Variants in JAKMIP2 observed in about 807,000 individuals in gnomAD.
JAKMIP2 encodes janus kinase and microtubule-interacting protein 2.
In JAKMIP2, 25 loss-of-function variants were observed where a neutral mutation model predicts 115.0. The ratio of observed to expected loss-of-function variants is 0.22; its 90% confidence interval spans 0.16 to 0.30. The LOEUF (loss-of-function observed/expected upper bound fraction) is 0.30. JAKMIP2 is among the 10% of genes least tolerant of loss of function. JAKMIP2 has a pLI of 1.00. For missense variants in JAKMIP2, 642 were observed against 957.6 expected (o/e 0.67, Z 4.35); for synonymous variants, 334 against 343.6 (o/e 0.97, Z 0.31).
rs1484869247 is a variant in JAKMIP2 at position 147,590,399 on chromosome 5, A to G, written c.*1308T>C. The G allele has an allele frequency of 6.6e-6, 1 of 152,214 alleles. No homozygotes were observed. Among genetic ancestry groups the G allele is most frequent in the African/African-American group, 2.4e-5 (1 of 41,470 alleles). The allele number at this position is 152,214 out of a possible 1,614,324, so 9.4% of individuals were successfully genotyped here. ...GACTCAGTAATACACAACTTAGGAAAAGTACCAGTCCTCTAATTGTCTCTG... is the reference window on the plus strand; with the variant it reads ...GACTCAGTAATACACAACTTAGGAAGAGTACCAGTCCTCTAATTGTCTCTG... On this transcript the variant is annotated 3_prime_UTR_variant, in exon 22 of 22. Transcript: ENST00000616793.
At chr5:147,693,538 G>T (rs924327187) in intron 1 of JAKMIP2, among the ~76,000 whole-genome samples, 8 of 151,934 alleles carry the variant, frequency 5.3e-5, no homozygotes, top group African/African-American at 1.9e-4. Flanking sequence ...AGTGATGTGT[G>T]GGATTACGGG....
intron 1 of JAKMIP2, among the ~76,000 whole-genome samples, chr5:147,702,713 G>C (rs1353918414): frequency 6.6e-6 from 1 of 151,446 alleles, no homozygotes; most frequent in Non-Finnish European, 1.5e-5. Flanking sequence ...GAAAAAAAAA[G>C]AGCAGAAGCC....
intron 1 of JAKMIP2, among the ~76,000 whole-genome samples, chr5:147,673,900 C>G (rs2126812025): frequency 6.6e-6 from 1 of 151,994 alleles, no homozygotes; most frequent in South Asian, 2.1e-4. Flanking sequence ...TGGGCTTTTC[C>G]AGAGGACCTC....
At position 147,766,157 on chromosome 5, in the gene JAKMIP2, C is replaced by T. The variant is rs1328273025; in HGVS notation, c.-149+16299G>A. ...CTCCTTCTCCCTCTCGGCCTCACTTCCCTCAAAGAGACACTGTAGGCCAAT... is the reference window on the plus strand; with the variant it reads ...CTCCTTCTCCCTCTCGGCCTCACTTTCCTCAAAGAGACACTGTAGGCCAAT... On this transcript the variant is annotated intron_variant, in intron 1 of 21. Transcript: ENST00000616793. Among the ~76,000 whole-genome samples, 66 of 152,248 alleles carry T rather than the reference C, an allele frequency of 4.3e-4. 1 individual carries two copies. Among genetic ancestry groups the T allele is most frequent in the Non-Finnish European group, 5.9e-5 (4 of 68,006 alleles).
At chr5:147,732,587 A>C (rs1469543909) in intron 1 of JAKMIP2, among the ~76,000 whole-genome samples, 1 of 152,262 alleles carries the variant, frequency 6.6e-6, no homozygotes, top group Non-Finnish European at 1.5e-5. Context: ...GTATTCAGAT[A>C]GTAATAATGA....
intron 1 of JAKMIP2, among the ~76,000 whole-genome samples, chr5:147,716,831 C>A (rs1753022494): frequency 6.9e-6 from 1 of 145,718 alleles, no homozygotes; most frequent in Admixed American, 6.9e-5. Context: ...TTTTGCTGTG[C>A]AGAAGCTCTT....
chr5:147,701,111 T>C (rs535559942), intron 1 of JAKMIP2, among the ~76,000 whole-genome samples: 2 of 152,048 alleles, frequency 1.3e-5, no homozygotes, highest in Admixed American at 6.5e-5. Context: ...ACCAATGCCA[T>C]AAAGGAAAAA....
At chr5:147,762,373 A>T (rs1207226568) in intron 1 of JAKMIP2, among the ~76,000 whole-genome samples, 2 of 152,262 alleles carry the variant, frequency 1.3e-5, no homozygotes, top group African/African-American at 4.8e-5. Context: ...GCTGTGTATT[A>T]GTTTGCCAGG....
chr5:147,641,527 C>A (rs1009110725), intron 8 of JAKMIP2, among the ~76,000 whole-genome samples, 181 bp downstream of exon 8: 8 of 152,134 alleles, frequency 5.3e-5, no homozygotes, highest in African/African-American at 9.7e-5. Context: ...ACAACATAAT[C>A]ATTTTTAGAC....
intron 16 of JAKMIP2, among the ~76,000 whole-genome samples, chr5:147,626,455 C>A (rs1289503821): frequency 1.3e-5 from 2 of 152,172 alleles, no homozygotes; most frequent in Non-Finnish European, 2.9e-5. Context: ...TGGTGCAAGA[C>A]GTAAGATCAT....
At chr5:147,778,750 T>C (rs1755655006) in intron 1 of JAKMIP2, among the ~76,000 whole-genome samples, 1 of 152,082 alleles carries the variant, frequency 6.6e-6, no homozygotes, top group African/African-American at 2.4e-5. Context: ...GGTGAAGTGA[T>C]GGTACTAATT....
At chr5:147,616,877 GT>G (rs1756610474) in intron 19 of JAKMIP2, among the ~76,000 whole-genome samples, 1 of 152,074 alleles carries the variant, frequency 6.6e-6, no homozygotes, top group Non-Finnish European at 1.5e-5. Flanking sequence ...TAAGTGTCAT[GT>G]CCCCCATGAA....
intron 1 of JAKMIP2, among the ~76,000 whole-genome samples, chr5:147,703,026 C>T (rs73797159): frequency 0.011 from 1,651 of 152,058 alleles, 28 homozygotes; most frequent in African/African-American, 0.035. Flanking sequence ...TTTGACTTGC[C>T]CCAAGTCCCA....
rs1758341748 is a variant in JAKMIP2 at position 147,650,442 on chromosome 5, C to T, written c.733G>A (p.Asp245Asn). Residue 245 changes from aspartate (D) to asparagine (N), a missense_variant, in exon 4 of 22, where the codon GAC (aspartate) becomes AAC (asparagine). Physicochemically the swap from Asp to Asn is conservative, Grantham distance 23. Transcript: ENST00000616793. Reference protein sequence around the residue: ...QKLQLQKEALDEQLFLVKEAE... With the variant: ...QKLQLQKEALNEQLFLVKEAE... ...TCCTTGACCAGAAAGAGTTGTTCGT[C>T]CAAAGCCTCCTTCTGAAGTTGGAGT... 1 of 1,613,796 alleles carries T rather than the reference C, an allele frequency of 6.2e-7. No homozygotes were observed. The highest frequency in any genetic ancestry group is 8.5e-7 in the Non-Finnish European group (1 of 1,179,878).
At chr5:147,617,483 T>C (rs1756644633) in intron 19 of JAKMIP2, among the ~76,000 whole-genome samples, 1 of 152,144 alleles carries the variant, frequency 6.6e-6, no homozygotes, top group Non-Finnish European at 1.5e-5. Context: ...TTGTTGGTGG[T>C]GATGTTTGTA....
At chr5:147,722,866 T>C (rs72835158) in intron 1 of JAKMIP2, among the ~76,000 whole-genome samples, 18,355 of 119,678 alleles carry the variant, frequency 0.15, 1,189 homozygotes, top group South Asian at 0.21. Flanking sequence ...TTCCATCCTC[T>C]TTTTTTTTAT....
chr5:147,684,224 G>A (rs1243314162), intron 1 of JAKMIP2, among the ~76,000 whole-genome samples: 2 of 141,666 alleles, frequency 1.4e-5, no homozygotes, highest in Non-Finnish European at 3.0e-5. Flanking sequence ...TTATGTGCAA[G>A]GCATTGTGGT....
In JAKMIP2 at chr5:147,628,764, G is replaced by A. The variant is rs1374253751; in HGVS notation, c.1982C>T (p.Ser661Phe). 6.2e-7 allele frequency: 1 copy of A among 1,612,926 alleles called. No homozygotes were observed. Among genetic ancestry groups the A allele is most frequent in the Non-Finnish European group, 8.5e-7 (1 of 1,179,250 alleles). ...ACGGCTCATTACCTTCTCTGCCAGG[G>A]ACAGCACAGTGCTGGCCTGAATTAT... ...VAIIQASTVLSLAEKWIQQIE... is the reference protein window; with the variant it reads ...VAIIQASTVLFLAEKWIQQIE... Residue 661 changes from serine (S) to phenylalanine (F), a missense_variant, in exon 16 of 22, where the codon TCC (serine) becomes TTC (phenylalanine). Ser to Phe is a radical substitution (Grantham distance 155). This residue lies in a region of JAKMIP2 where 5 missense variants were observed against 33.0 expected (regional missense o/e 0.15). Transcript: ENST00000616793.
At chr5:147,650,299 T>C (rs1431515132) in intron 4 of JAKMIP2, 39 bp downstream of exon 4, 1 of 1,280,940 alleles carries the variant, frequency 7.8e-7, no homozygotes, top group Admixed American at 1.7e-5. Context: ...AAATAAAAGA[T>C]GACTTGTGCA....
Sources: gnomAD v4.1 joint callset for allele counts (sites outside exome capture counted in the v4.1 genomes callset) on GRCh38, gnomAD v4.1.1 for gene constraint, gnomAD v4.1.1 regional missense constraint, MANE v1.5 for transcripts, NCBI Gene and HGNC (gene_info 2026-07-23, HGNC 2026-07-21) for gene names.